The following IL1RAPL1 variants were observed in gnomAD, a reference collection of about 807,000 sequenced individuals.
IL1RAPL1 encodes the protein interleukin-1 receptor accessory protein-like 1.
Under a neutral mutation model 48.4 loss-of-function variants are expected in IL1RAPL1, and 3 were observed. The ratio of observed to expected loss-of-function variants is 0.06; its 90% confidence interval spans 0.03 to 0.16. The LOEUF is 0.16. Among genes scored for constraint, IL1RAPL1 ranks in the 10% least tolerant of loss-of-function variants. The pLI is 1.00. For missense variants in IL1RAPL1, 349 were observed against 530.6 expected (o/e 0.66, Z 3.36); for synonymous variants, 185 against 187.7 (o/e 0.99, Z 0.12).
intron 5 of IL1RAPL1, among the ~76,000 whole-genome samples, chrX:29,547,565 G>C (rs775420477): frequency 1.2e-4 from 13 of 111,791 alleles, no homozygotes; most frequent in Non-Finnish European, 1.9e-4. Flanking sequence ...TATTTAAGCT[G>C]ATAACCAATA....
chrX:29,182,894 G>A (rs966666997), intron 2 of IL1RAPL1, among the ~76,000 whole-genome samples: 2 of 111,333 alleles, frequency 1.8e-5, no homozygotes, highest in African/African-American at 6.5e-5. Flanking sequence ...AGGCAGGAGA[G>A]TTAGAGTCAG....
intron 2 of IL1RAPL1, among the ~76,000 whole-genome samples, chrX:29,215,140 G>A (rs1930842089): frequency 1.8e-5 from 2 of 111,166 alleles, no homozygotes; most frequent in South Asian, 3.8e-4. Flanking sequence ...CTGAGGTCAG[G>A]AGTTTGAGAC....
At chrX:28,762,782 G>GCA (rs1490260134) in intron 1 of IL1RAPL1, among the ~76,000 whole-genome samples, 1 of 61,837 alleles carries the variant, frequency 1.6e-5, no homozygotes, top group African/African-American at 9.4e-5. Flanking sequence ...ATACGCACGC[G>GCA]CGCGCACACA....
intron 5 of IL1RAPL1, among the ~76,000 whole-genome samples, chrX:29,455,041 C>CT (rs1226779470): frequency 3.4e-4 from 38 of 110,552 alleles, no homozygotes; most frequent in African/African-American, 1.2e-3. Flanking sequence ...ATTCACAGAT[C>CT]TTTTTTTTGC....
At chrX:29,526,149 T>G (rs1935550316) in intron 5 of IL1RAPL1, among the ~76,000 whole-genome samples, 1 of 112,095 alleles carries the variant, frequency 8.9e-6, no homozygotes, top group South Asian at 3.7e-4. Context: ...TATATTTGCC[T>G]CAGAGTTTAT....
chrX:29,134,207 A>G (rs1481236837), intron 2 of IL1RAPL1, among the ~76,000 whole-genome samples: 1 of 111,729 alleles, frequency 9.0e-6, no homozygotes, highest in Non-Finnish European at 1.9e-5. Flanking sequence ...ATTTAAATAA[A>G]TACTTTGGAG....
At chrX:29,169,274 C>A (rs1268169772) in intron 2 of IL1RAPL1, among the ~76,000 whole-genome samples, 1 of 109,517 alleles carries the variant, frequency 9.1e-6, no homozygotes, top group East Asian at 2.8e-4. Context: ...ATTTACATTC[C>A]CACCAACAAT....
intron 3 of IL1RAPL1, among the ~76,000 whole-genome samples, chrX:29,379,147 G>A (rs759074382): frequency 1.4e-4 from 16 of 112,495 alleles, no homozygotes; most frequent in South Asian, 3.6e-4. Flanking sequence ...GTTGGTTTCT[G>A]GGTGCACTGG....
chrX:29,720,718 G>A (rs949126283), intron 6 of IL1RAPL1, among the ~76,000 whole-genome samples: 13 of 110,979 alleles, frequency 1.2e-4, no homozygotes, highest in Non-Finnish European at 1.9e-4. Flanking sequence ...AAACCTGCAC[G>A]TTCTGCACAT....
chrX:28,826,728 G>T lies in IL1RAPL1; in HGVS notation c.82+37303G>T, dbSNP rs73452813. Reference sequence around the variant, plus strand: ...CAGGATCATGAAGCCAACTCTTTAGGGGGGTACATTAGCTGGTTCTAAAAC... The same window carrying T: ...CAGGATCATGAAGCCAACTCTTTAGTGGGGTACATTAGCTGGTTCTAAAAC... On this transcript the variant is annotated intron_variant, in intron 2 of 10. Coordinates refer to ENST00000378993, the MANE Select transcript of IL1RAPL1 (RefSeq NM_014271.4). Among the ~76,000 whole-genome samples the T allele has an allele frequency of 5.3e-3, 582 of 110,788 alleles. 6 individuals are homozygous for T. The highest frequency in any genetic ancestry group is 0.019 in the African/African-American group (567 of 30,599).
intron 6 of IL1RAPL1, among the ~76,000 whole-genome samples, chrX:29,777,548 CTTTAT>C (rs1485777643): frequency 9.0e-6 from 1 of 111,649 alleles, no homozygotes; most frequent in Non-Finnish European, 1.9e-5. Context: ...GATTTTCTCT[CTTTAT>C]TTTGAGTAGC....
chrX:29,604,964 A>C (rs1602321305), intron 5 of IL1RAPL1, among the ~76,000 whole-genome samples: 1 of 109,398 alleles, frequency 9.1e-6, no homozygotes, highest in Non-Finnish European at 1.9e-5. Flanking sequence ...CTCATCCCCA[A>C]CGTCAGTGAT....
At chrX:29,271,316 G>C (rs1457911623) in intron 2 of IL1RAPL1, among the ~76,000 whole-genome samples, 1 of 111,814 alleles carries the variant, frequency 8.9e-6, no homozygotes, top group Non-Finnish European at 1.9e-5. Context: ...ATAGTGCTGC[G>C]ATGAACATAT....
intron 2 of IL1RAPL1, among the ~76,000 whole-genome samples, chrX:29,162,471 T>C (rs759387054): frequency 9.0e-6 from 1 of 110,908 alleles, no homozygotes; most frequent in East Asian, 2.8e-4. Context: ...TTTTTGTTCA[T>C]GCAATCACAC....
chrX:29,559,969 T>G (rs1453397031), intron 5 of IL1RAPL1, among the ~76,000 whole-genome samples: 2 of 112,099 alleles, frequency 1.8e-5, no homozygotes, highest in Non-Finnish European at 3.8e-5. Context: ...AATTTGGCTA[T>G]GTACTTACCT....
At chrX:29,246,032 C>T (rs1931505517) in intron 2 of IL1RAPL1, among the ~76,000 whole-genome samples, 1 of 109,528 alleles carries the variant, frequency 9.1e-6, no homozygotes, top group Non-Finnish European at 1.9e-5. Context: ...TATAAATTTT[C>T]TTTTCTCTTG....
At chrX:29,711,066 G>GTA (rs1555913962) in intron 6 of IL1RAPL1, among the ~76,000 whole-genome samples, 5 of 12,621 alleles carry the variant, frequency 4.0e-4, no homozygotes, top group East Asian at 3.7e-3. Context: ...GTGTGTGTGT[G>GTA]TATACACACA....
intron 1 of IL1RAPL1, among the ~76,000 whole-genome samples, chrX:28,600,439 T>C (rs951282465): frequency 3.8e-5 from 4 of 105,210 alleles, no homozygotes; most frequent in Non-Finnish European, 5.8e-5. Context: ...AGAATTTACA[T>C]AGGACCTTTT....
Position 29,814,807 on chromosome X carries a change from G to A in IL1RAPL1, c.779-102657G>A, listed in dbSNP as rs1362797870. Among the ~76,000 whole-genome samples the A allele has an allele frequency of 3.6e-5, 4 of 112,011 alleles. No homozygotes were observed. The East Asian group carries it at 1.1e-3, about 31-fold the overall frequency. On this transcript the variant is annotated intron_variant, in intron 6 of 10. Transcript: ENST00000378993. ...TCATTCTTCTGTGTATGGATGGCCA[G>A]TTATTCCAACACCATTTATTGAATA...
Sources: allele counts gnomAD v4.1 joint callset (sites outside exome capture counted in the v4.1 genomes callset), GRCh38; gene constraint gnomAD v4.1.1; transcripts MANE v1.5; gene names NCBI Gene and HGNC (gene_info 2026-07-23, HGNC 2026-07-21).